GSG1L: variants seen among roughly 807,000 people sequenced by gnomAD.
The protein encoded by GSG1L is germ cell-specific gene 1-like protein.
A neutral mutation model predicts 42.1 loss-of-function variants in GSG1L; 24 were observed. The observed-to-expected ratio is 0.57, with a 90% CI of 0.41 to 0.80. GSG1L has a LOEUF of 0.80. Among genes scored for constraint, GSG1L ranks in the 30% least tolerant of loss-of-function variants. GSG1L has a pLI of 0.00. For synonymous variants in GSG1L, 215 were observed against 203.5 expected (o/e 1.06, Z -0.48); for missense variants, 445 against 472.2 (o/e 0.94, Z 0.53).
intron 2 of GSG1L, among the ~76,000 whole-genome samples, chr16:27,907,192 C>T (rs1365816778): frequency 6.6e-6 from 1 of 152,172 alleles, no homozygotes; most frequent in African/African-American, 2.4e-5. Context: ...AAAGTGGAAA[C>T]TGGAGCTGCC....
chr16:28,024,036 TA>T (rs1201421507), intron 1 of GSG1L, among the ~76,000 whole-genome samples: 1 of 151,698 alleles, frequency 6.6e-6, no homozygotes, highest in Non-Finnish European at 1.5e-5. Context: ...TCTCAAAAAA[TA>T]AAGAAAAGAA....
At chr16:27,804,470 T>G (rs1002671980) in intron 6 of GSG1L, among the ~76,000 whole-genome samples, 10 of 151,714 alleles carry the variant, frequency 6.6e-5, no homozygotes, top group Admixed American at 6.6e-4. Flanking sequence ...CTTCCTCCCT[T>G]GTTTGTTTTT....
At chr16:27,857,401 C>G (rs944877051) in intron 3 of GSG1L, among the ~76,000 whole-genome samples, 10 of 146,526 alleles carry the variant, frequency 6.8e-5, no homozygotes, top group Non-Finnish European at 1.2e-4. Flanking sequence ...GCACTCCAGC[C>G]TGGGCAAGAG....
At chr16:27,908,418 T>G (rs1252510173) in intron 2 of GSG1L, among the ~76,000 whole-genome samples, 1 of 152,190 alleles carries the variant, frequency 6.6e-6, no homozygotes, top group East Asian at 1.9e-4. Flanking sequence ...CATGTTACAT[T>G]TCCCCCAAGT....
In GSG1L at chr16:28,063,199, CGGT is replaced by C. The variant is rs1567575404; in HGVS notation, c.223_225del (p.Thr75del). 1.6e-6 allele frequency: 2 copies of C among 1,289,012 alleles called. No individual in the cohort carries two copies. The highest frequency in any genetic ancestry group is 4.7e-5 in the South Asian group (2 of 42,896). The allele number at this position is 1,289,012 out of a possible 1,614,324, so 79.8% of individuals were successfully genotyped here. A position where few individuals can be genotyped will look rare whatever the true frequency, so the allele number is the denominator to read the frequency against. On this transcript the variant is annotated inframe_deletion, in exon 1 of 7. Coordinates refer to ENST00000447459, the MANE Select transcript of GSG1L (RefSeq NM_001109763.2). The surrounding 1 kb of genome is among the most constrained non-coding windows in gnomAD (Gnocchi z 5.8). Reference sequence around the variant, plus strand: ...CCGCCAGGGGGGCCGTTCCCCGAGGCGGTGGCGGCGGCGGCGGCGGCGGCGGGG... The same window carrying C: ...CCGCCAGGGGGGCCGTTCCCCGAGGCGGCGGCGGCGGCGGCGGCGGCGGGG...
chr16:28,033,709 T>C (rs2085993861), intron 1 of GSG1L, among the ~76,000 whole-genome samples: 1 of 152,090 alleles, frequency 6.6e-6, no homozygotes, highest in Non-Finnish European at 1.5e-5. Context: ...ATAAAATAAA[T>C]GTCCAACAAC....
chr16:27,943,170 T>C (rs1336611576), intron 2 of GSG1L, among the ~76,000 whole-genome samples: 1 of 152,076 alleles, frequency 6.6e-6, no homozygotes, highest in Non-Finnish European at 1.5e-5. Flanking sequence ...TCCTCCTGTC[T>C]TGGCCTCCCA....
intron 1 of GSG1L, among the ~76,000 whole-genome samples, chr16:28,061,482 A>G (rs1259565288): frequency 6.6e-6 from 1 of 152,104 alleles, no homozygotes; most frequent in Non-Finnish European, 1.5e-5. Context: ...CCACCCCCAG[A>G]AGAGAGACAG....
chr16:27,941,912 T>C (rs944015125), intron 2 of GSG1L, among the ~76,000 whole-genome samples: 1 of 151,910 alleles, frequency 6.6e-6, no homozygotes, highest in African/African-American at 2.4e-5. Context: ...TTCATAGAGA[T>C]AGGAAGTAGA....
At chr16:27,877,195 G>C (rs969463872) in intron 3 of GSG1L, among the ~76,000 whole-genome samples, 1 of 152,064 alleles carries the variant, frequency 6.6e-6, no homozygotes, top group African/African-American at 2.4e-5. Context: ...ACAAGACTTG[G>C]GGGGAGTGGA....
At chr16:27,862,031 C>T (rs1028397164) in intron 3 of GSG1L, among the ~76,000 whole-genome samples, 25 of 152,184 alleles carry the variant, frequency 1.6e-4, no homozygotes, top group African/African-American at 5.5e-4. Context: ...AGTCACAGGG[C>T]ACCATCTGCC....
chr16:27,904,986 C>G (rs2141045905), intron 2 of GSG1L, among the ~76,000 whole-genome samples: 1 of 152,290 alleles, frequency 6.6e-6, no homozygotes, highest in East Asian at 1.9e-4. Flanking sequence ...TCCAAAGAAG[C>G]CAGAAATCTT....
intron 2 of GSG1L, among the ~76,000 whole-genome samples, chr16:27,961,925 G>A (rs1025706553): frequency 6.6e-6 from 1 of 152,082 alleles, no homozygotes; most frequent in Non-Finnish European, 1.5e-5. Context: ...CTTGACTGGA[G>A]CGCTCCAAAA....
intron 2 of GSG1L, among the ~76,000 whole-genome samples, chr16:27,887,679 C>A (rs2084045679): frequency 6.6e-6 from 1 of 152,158 alleles, no homozygotes; most frequent in Non-Finnish European, 1.5e-5. Context: ...ATTCTGAGTC[C>A]CCACTTGCTC....
At chr16:27,797,328 G>A (rs978615522) in intron 6 of GSG1L, among the ~76,000 whole-genome samples, 3 of 151,462 alleles carry the variant, frequency 2.0e-5, no homozygotes, top group African/African-American at 7.3e-5. Context: ...TTCAAGACCA[G>A]TCTGGCCAAC....
At chr16:27,998,045 T>C (rs1257692894) in intron 1 of GSG1L, among the ~76,000 whole-genome samples, 2 of 151,924 alleles carry the variant, frequency 1.3e-5, no homozygotes, top group Admixed American at 1.3e-4. Context: ...TTAGTAGAGA[T>C]GGGGCTTCAC....
intron 1 of GSG1L, among the ~76,000 whole-genome samples, chr16:27,973,093 C>T (rs1280020388): frequency 1.3e-5 from 2 of 152,236 alleles, no homozygotes; most frequent in Non-Finnish European, 1.5e-5. Context: ...GGGCACAGCA[C>T]CTGTAGGGGT....
chr16:27,879,728 T>A (rs4788000), intron 3 of GSG1L, among the ~76,000 whole-genome samples: 70,827 of 152,006 alleles, frequency 0.47, 19,329 homozygotes, highest in Middle Eastern at 0.61. Flanking sequence ...TAAAATCTAA[T>A]ACAATGTAAA....
At chr16:27,846,692 T>A (rs1174724027) in intron 3 of GSG1L, among the ~76,000 whole-genome samples, 1 of 152,164 alleles carries the variant, frequency 6.6e-6, no homozygotes. Flanking sequence ...CGGTGGCTCA[T>A]GCCTGTAATC....
Sources: gnomAD v4.1 joint callset for allele counts (sites outside exome capture counted in the v4.1 genomes callset) on GRCh38, gnomAD v4.1.1 for gene constraint, Gnocchi (gnomAD v3.1) non-coding constraint, MANE v1.5 for transcripts, NCBI Gene and HGNC (gene_info 2026-07-23, HGNC 2026-07-21) for gene names.